The following CABIN1 variants were observed in gnomAD, a reference collection of about 807,000 sequenced individuals.
CABIN1 encodes the protein calcineurin-binding protein cabin-1.
Under a neutral mutation model 227.7 loss-of-function variants are expected in CABIN1, and 133 were observed. That is an observed-to-expected ratio of 0.58 (90% CI 0.51 to 0.67). The LOEUF (loss-of-function observed/expected upper bound fraction) is 0.67. Ranked by LOEUF, CABIN1 falls within the 30% of genes least tolerant of loss-of-function variation. CABIN1 has a pLI of 0.00. For missense variants in CABIN1, 2,408 were observed against 2,852.5 expected (o/e 0.84, Z 3.55); for synonymous variants, 1,086 against 1,155.1 (o/e 0.94, Z 1.21).
chr22:24,056,087 T>G, intron 9 of CABIN1, 105 bp from the exon 10 acceptor site: 1 of 989,242 alleles, frequency 1.0e-6, no homozygotes, highest in East Asian at 2.4e-5. Flanking sequence ...TGTCAAAGAG[T>G]TTAATGCTAG....
At chr22:24,151,210 C>T (rs148201129) in intron 29 of CABIN1, among the ~76,000 whole-genome samples, 91 of 152,284 alleles carry the variant, frequency 6.0e-4, no homozygotes, top group Non-Finnish European at 9.9e-4. Context: ...GCTTGGCCCC[C>T]TCCCTGCACA....
At chr22:24,080,906 T>C (rs1326110845) in intron 19 of CABIN1, among the ~76,000 whole-genome samples, 1 of 152,152 alleles carries the variant, frequency 6.6e-6, no homozygotes, top group Non-Finnish European at 1.5e-5. Context: ...TCAATCCTTA[T>C]AGTTTTTTTC....
chr22:24,165,752 G>T, intron 31 of CABIN1, 126 bp downstream of exon 31: 2 of 753,504 alleles, frequency 2.7e-6, no homozygotes, highest in Non-Finnish European at 4.6e-6. Flanking sequence ...GTCCCCATCT[G>T]TGAGGTAGCA....
In CABIN1 at chr22:24,072,394, A is replaced by C; in HGVS notation, c.2516A>C (p.Glu839Ala). Residue 839 changes from glutamate (E) to alanine (A), a missense_variant, in exon 18 of 37, where the codon GAG becomes GCG. Physicochemically the swap from Glu to Ala is moderately radical, Grantham distance 107 (BLOSUM62 -1). Around this residue, in one of 3 missense-constraint regions of CABIN1, gnomAD observed 1,045 missense variants for 1,168.4 expected, o/e 0.89. Coordinates refer to ENST00000263119, the MANE Select transcript of CABIN1 (RefSeq NM_012295.4). ...CSMAVQEEAKEPHVSSVLPWI... is the reference protein window; with the variant it reads ...CSMAVQEEAKAPHVSSVLPWI... The stretch of plus-strand genomic sequence containing the variant: ...ATGGCTGTGCAGGAGGAGGCCAAGG[A>C]GCCCCACGTCTCTTCAGTGCTACCC... 1 of 1,614,186 alleles carries C rather than the reference A, an allele frequency of 6.2e-7. No homozygotes were observed. Among genetic ancestry groups the C allele is most frequent in the Non-Finnish European group, 8.5e-7 (1 of 1,180,028 alleles).
rs369601649 is a variant in CABIN1, at chr22:24,054,932, C to T, written c.866C>T (p.Pro289Leu). 6.2e-7 allele frequency: 1 copy of T among 1,614,210 alleles called. No homozygotes were observed. The highest frequency in any genetic ancestry group is 1.7e-5 in the Admixed American group (1 of 60,030). Residue 289 changes from proline (P) to leucine (L), a missense_variant, in exon 9 of 37, where the codon CCC becomes CTC. Transcript: ENST00000263119. ...AMYNHLTTCE[P>L]PRPSLGKRID... ...TACAATCATCTCACCACCTGTGAGC[C>T]CCCACGTCCCAGCCTTGGCAAAAGG... is the stretch of plus-strand genomic sequence containing the variant.
At chr22:24,066,903 C>T in intron 15 of CABIN1, 84 bp from the exon 16 acceptor site, 1 of 1,314,476 alleles carries the variant, frequency 7.6e-7, no homozygotes, top group Non-Finnish European at 1.1e-6. Context: ...TCATCCAAGT[C>T]TGATAAAAAC....
At chr22:24,029,857 C>T (rs1459144649) in intron 1 of CABIN1, among the ~76,000 whole-genome samples, 1 of 152,152 alleles carries the variant, frequency 6.6e-6, no homozygotes. Context: ...TGCCTCAGTT[C>T]AGTATGTGTC....
At chr22:24,071,331 G>C (rs767430145) in intron 17 of CABIN1, 1 of 482,722 alleles carries the variant, frequency 2.1e-6, no homozygotes, top group Admixed American at 3.3e-5. Context: ...GGGAGGCCCT[G>C]GTCTGCCTGC....
intron 22 of CABIN1, among the ~76,000 whole-genome samples, chr22:24,086,401 T>A (rs1053935971): frequency 3.9e-5 from 6 of 152,230 alleles, no homozygotes; most frequent in Non-Finnish European, 8.8e-5. Context: ...CCTGCCTGTT[T>A]AGAGGGTATC....
chr22:24,116,856 T>A (rs1188343526), intron 27 of CABIN1, among the ~76,000 whole-genome samples: 1 of 152,256 alleles, frequency 6.6e-6, no homozygotes. Context: ...CTGTGCTCTG[T>A]TGGCCTTGGC....
intron 1 of CABIN1, among the ~76,000 whole-genome samples, chr22:24,014,078 C>T (rs895042867): frequency 1.3e-5 from 2 of 152,176 alleles, no homozygotes. Context: ...TAATAAGTCT[C>T]TTGGGAGAGA....
chr22:24,076,151 G>C lies in CABIN1; in HGVS notation c.2633-18G>C, dbSNP rs374922853. On this transcript the variant is annotated intron_variant, in intron 18 of 36. Coordinates refer to ENST00000263119, the MANE Select transcript of CABIN1 (RefSeq NM_012295.4). The stretch of plus-strand genomic sequence containing the variant: ...TTCCCACACTAACTCTGTGTCTGTC[G>C]GCCTGGGCTTTCCCTAGGGATGTCA... 2 of 1,601,380 alleles carry C rather than the reference G, an allele frequency of 1.2e-6. No homozygotes were observed. The highest frequency in any genetic ancestry group is 1.1e-5 in the South Asian group (1 of 90,756).
intron 7 of CABIN1, among the ~76,000 whole-genome samples, chr22:24,049,911 A>G (rs545750352): frequency 3.9e-5 from 6 of 152,038 alleles, no homozygotes; most frequent in African/African-American, 1.4e-4. Flanking sequence ...AGGTGACCCA[A>G]GAATACCTGC....
At chr22:24,042,773 C>T (rs1420398831) in intron 5 of CABIN1, 131 bp from the exon 6 acceptor site, 15 of 829,690 alleles carry the variant, frequency 1.8e-5, no homozygotes, top group Admixed American at 4.0e-5. Context: ...GTGCCAGTGC[C>T]GTGCTCCTCC....
chr22:24,069,178 G>C lies in CABIN1; in HGVS notation c.2233-1622G>C, dbSNP rs538197151. On this transcript the variant is annotated intron_variant, in intron 16 of 36. Transcript: ENST00000263119. ...GTTCTTCAGTCTAATTGGATAGTTT[G>C]TGTCTTGTTGAGTTGATTCTTAGTC... Among the ~76,000 whole-genome samples the C allele has an allele frequency of 6.6e-4, 100 of 152,334 alleles. 1 individual carries two copies. Among genetic ancestry groups the C allele is most frequent in the Non-Finnish European group, 1.1e-3 (75 of 68,036 alleles).
rs539697295 is a variant in CABIN1, at chr22:24,134,036, G to T, written c.4633-266G>T. On this transcript the variant is annotated intron_variant, in intron 28 of 36. Coordinates refer to ENST00000263119, the MANE Select transcript of CABIN1 (RefSeq NM_012295.4). ...GTTTGTAGGGTTGGTCAGGCCAGGG[G>T]TCTGTCAGTCTCCACCTTGAGGAGT... Among the ~76,000 whole-genome samples the T allele has an allele frequency of 7.2e-5, 11 of 152,340 alleles. No homozygotes were observed. The South Asian group carries it at 1.2e-3, about 17-fold the overall frequency.
At chr22:24,116,292 CTA>C (rs372904948) in intron 27 of CABIN1, among the ~76,000 whole-genome samples, 75 of 152,362 alleles carry the variant, frequency 4.9e-4, no homozygotes, top group African/African-American at 1.8e-3. Context: ...CAAGCCCACT[CTA>C]TCATATCGTT....
At chr22:24,167,665 T>A (rs954667807) in intron 32 of CABIN1, among the ~76,000 whole-genome samples, 1 of 152,234 alleles carries the variant, frequency 6.6e-6, no homozygotes, top group Non-Finnish European at 1.5e-5. Flanking sequence ...CTTGTCATTT[T>A]GCCTTCTTTT....
chr22:24,130,753 C>T (rs2044025429), intron 28 of CABIN1, among the ~76,000 whole-genome samples: 1 of 152,190 alleles, frequency 6.6e-6, no homozygotes, highest in African/African-American at 2.4e-5. Flanking sequence ...GCTAAGGGCC[C>T]CCATAAGCTG....
Sources: gnomAD v4.1 joint callset for allele counts (sites outside exome capture counted in the v4.1 genomes callset) on GRCh38, gnomAD v4.1.1 for gene constraint, gnomAD v4.1.1 regional missense constraint, MANE v1.5 for transcripts, NCBI Gene and HGNC (gene_info 2026-07-23, HGNC 2026-07-21) for gene names.